Variants in ADGRB2 observed in about 807,000 individuals in gnomAD.
The protein encoded by ADGRB2 is adhesion G protein-coupled receptor B2.
In ADGRB2, 47 loss-of-function variants were observed where a neutral mutation model predicts 178.7. The ratio of observed to expected loss-of-function variants is 0.26; its 90% CI spans 0.21 to 0.34. The LOEUF is 0.34. ADGRB2 is among the 10% of genes least tolerant of loss of function. The pLI, the probability that ADGRB2 is intolerant of heterozygous loss-of-function variation, is 1.00. For synonymous variants in ADGRB2, 870 were observed against 912.4 expected, an observed-to-expected ratio of 0.95 and a Z score of 0.84; for missense variants, 1,584 against 2,180.8, an observed-to-expected ratio of 0.73 and a Z score of 5.45.
At position 31,733,348 on chromosome 1, in the gene ADGRB2, C is replaced by T. The variant is rs1267712799; in HGVS notation, c.3453-205G>A. ...AACAGAGACCGAAAGCAGCGAACTA[C>T]GGGGTCAGAGCAGGGACCAGGAAGG... On this transcript the variant is annotated intron_variant, in intron 25 of 32. Coordinates refer to ENST00000373658, the MANE Select transcript of ADGRB2 (RefSeq NM_001364857.2). The surrounding 1 kb of genome is among the most constrained non-coding windows in gnomAD (Gnocchi z 4.3). Among the ~76,000 whole-genome samples, 9 of 152,232 alleles carry T rather than the reference C, an allele frequency of 5.9e-5. No individual in the cohort carries two copies. The East Asian group carries it at 9.7e-4, about 16-fold the overall frequency.
At position 31,754,984 on chromosome 1, in the gene ADGRB2, C is replaced by A. The variant is rs907642678; in HGVS notation, c.838+1015G>T. Among the ~76,000 whole-genome samples the A allele has an allele frequency of 6.6e-6, 1 of 152,222 alleles. No homozygotes were observed. The highest frequency in any genetic ancestry group is 2.4e-5 in the African/African-American group (1 of 41,454). On this transcript the variant is annotated intron_variant, in intron 4 of 32. Transcript: ENST00000373658. The surrounding 1 kb of genome is among the most constrained non-coding windows in gnomAD (Gnocchi z 5.7). ...AGTGAAATCCAGATGCCCTTTCCATCCTCTATCCCTGCATCCTTGATCCTC... is the reference window on the plus strand; with the variant it reads ...AGTGAAATCCAGATGCCCTTTCCATACTCTATCCCTGCATCCTTGATCCTC...
chr1:31,728,409 TTC>T lies in ADGRB2; in HGVS notation c.4417-131_4417-130del. On this transcript the variant is annotated intron_variant, in intron 30 of 32. Coordinates refer to ENST00000373658, the MANE Select transcript of ADGRB2 (RefSeq NM_001364857.2). This position sits in a 1 kb window ranked among gnomAD's most constrained non-coding sequence, Gnocchi z 6.7. ...CCAGCCCCTCTGGGACAAGACCTAG[TTC>T]TCTCTTCACGTTGGTGCTATGGGCT... 2 of 1,271,514 alleles carry T rather than the reference TTC, an allele frequency of 1.6e-6. No individual in the cohort carries two copies. Among genetic ancestry groups the T allele is most frequent in the Non-Finnish European group, 2.3e-6 (2 of 888,014 alleles). The allele number at this position is 1,271,514 out of a possible 1,614,324, so 78.8% of individuals were successfully genotyped here.
In ADGRB2 at chr1:31,737,425, C is replaced by G. The variant is rs773289419; in HGVS notation, c.2979+4G>C. 6 of 1,613,378 alleles carry G rather than the reference C, an allele frequency of 3.7e-6. No individual in the cohort carries two copies. The Admixed American group carries it at 6.7e-5, about 18-fold the overall frequency. On this transcript the variant is annotated splice_donor_region_variant and intron_variant, in intron 20 of 32. Coordinates refer to ENST00000373658, the MANE Select transcript of ADGRB2 (RefSeq NM_001364857.2). ...CCCTGGCAGCCCTGGAAGTCTGCAC[C>G]TGCCTTGCTCAGCACCCGGGACTGG...
intron 15 of ADGRB2, 81 bp from the exon 16 acceptor site, chr1:31,739,018 G>T: frequency 7.9e-7 from 1 of 1,272,732 alleles, no homozygotes; most frequent in Non-Finnish European, 1.1e-6. Context: ...TTGGATGGGT[G>T]TGCAGAGGCT....
chr1:31,743,365 C>G (rs1275013978), intron 6 of ADGRB2: 5 of 212,368 alleles, frequency 2.4e-5, no homozygotes, highest in Non-Finnish European at 3.7e-5. Flanking sequence ...CCACCCACCC[C>G]TAGACCCAGA....
chr1:31,750,996 A>G (rs971982506), intron 4 of ADGRB2, among the ~76,000 whole-genome samples: 3 of 151,786 alleles, frequency 2.0e-5, no homozygotes, highest in African/African-American at 7.3e-5. Flanking sequence ...GAGAGCAGGG[A>G]TCGTGTCTGA....
intron 6 of ADGRB2, chr1:31,743,334 G>A (rs377492381): frequency 2.6e-4 from 70 of 265,546 alleles, no homozygotes; most frequent in African/African-American, 1.5e-3. Flanking sequence ...CAGGACCCAC[G>A]CCATTCCACC....
intron 4 of ADGRB2, among the ~76,000 whole-genome samples, chr1:31,746,547 G>A (rs1236769879): frequency 2.0e-5 from 3 of 152,124 alleles, no homozygotes; most frequent in African/African-American, 4.8e-5. Context: ...CTCCACATCC[G>A]CTGGGCGCCC....
intron 15 of ADGRB2, 65 bp downstream of exon 15, chr1:31,739,243 C>T (rs1476239323): frequency 9.9e-6 from 14 of 1,410,024 alleles, no homozygotes; most frequent in Non-Finnish European, 1.3e-5. Context: ...TGGCTCAGTC[C>T]TCCTTCCCTT....
rs995898725 is a variant in ADGRB2, at chr1:31,761,788, A to G, written c.-191+2096T>C. Among the ~76,000 whole-genome samples the G allele has an allele frequency of 1.3e-5, 2 of 152,066 alleles. No homozygotes were observed. The highest frequency in any genetic ancestry group is 4.8e-5 in the African/African-American group (2 of 41,360). On this transcript the variant is annotated intron_variant, in intron 1 of 32. Coordinates refer to ENST00000373658, the MANE Select transcript of ADGRB2 (RefSeq NM_001364857.2). This position sits in a 1 kb window ranked among gnomAD's most constrained non-coding sequence, Gnocchi z 4.2. ...TTCATTTTTCTCCTTTGGGATTAGG[A>G]GTGGAGTGGAGAGGGGCCTGACCTT...
Position 31,755,968 on chromosome 1 carries a change from C to G in ADGRB2, c.838+31G>C. 1.3e-6 allele frequency: 2 copies of G among 1,573,914 alleles called. No individual in the cohort carries two copies. Among genetic ancestry groups the G allele is most frequent in the Non-Finnish European group, 1.7e-6 (2 of 1,156,186 alleles). On this transcript the variant is annotated intron_variant, in intron 4 of 32. Coordinates refer to ENST00000373658, the MANE Select transcript of ADGRB2 (RefSeq NM_001364857.2). The surrounding 1 kb of genome is among the most constrained non-coding windows in gnomAD (Gnocchi z 5.1). ...AGGGACACTGTCAGCCCCTGCAGAC[C>G]CCGCCCCACCCAGGCCCTGCTGAGA...
intron 4 of ADGRB2, among the ~76,000 whole-genome samples, chr1:31,745,136 C>G (rs763501199): frequency 6.6e-6 from 1 of 152,230 alleles, no homozygotes; most frequent in African/African-American, 2.4e-5. Flanking sequence ...GAGGGCTAGA[C>G]AGGGGAAGTG....
intron 4 of ADGRB2, among the ~76,000 whole-genome samples, chr1:31,746,868 G>A (rs1478095288): frequency 6.6e-6 from 1 of 152,154 alleles, no homozygotes; most frequent in African/African-American, 2.4e-5. Flanking sequence ...CCCAGGAACA[G>A]ATCCAGGCCT....
Position 31,737,674 on chromosome 1 carries a change from C to T in ADGRB2, c.2854G>A (p.Ala952Thr), listed in dbSNP as rs777096177. The T allele has an allele frequency of 9.3e-6, 15 of 1,613,632 alleles. No individual in the cohort carries two copies. The highest frequency in any genetic ancestry group is 2.2e-5 in the East Asian group (1 of 44,882). ...VSCMALLTLLAIYAAFWRFIK... is the reference protein window; with the variant it reads ...VSCMALLTLLTIYAAFWRFIK... ...TACCTCCAAAAGGCGGCATAGATGG[C>T]GAGCAGGGTGAGCAGCGCCATGCAC... is the stretch of plus-strand genomic sequence containing the variant. The change falls in exon 19 of 33, where the codon GCC (alanine) becomes ACC (threonine). Residue 952 changes from alanine to threonine, a missense_variant. Ala to Thr is a moderately conservative substitution (Grantham distance 58). Around this residue, in one of 3 missense-constraint regions of ADGRB2, gnomAD observed 865 missense variants for 1,192.8 expected, o/e 0.73. Coordinates refer to ENST00000373658, the MANE Select transcript of ADGRB2 (RefSeq NM_001364857.2).
chr1:31,738,661 G>T, intron 16 of ADGRB2, 31 bp from the exon 17 acceptor site: 1 of 1,612,164 alleles, frequency 6.2e-7, no homozygotes, highest in Non-Finnish European at 8.5e-7. Flanking sequence ...GTGCAGTCTA[G>T]GGAGGGAAGC....
rs1363996221 is a variant in ADGRB2, at chr1:31,735,855, A to G, written c.3239T>C (p.Phe1080Ser). The G allele has an allele frequency of 2.5e-6, 4 of 1,608,538 alleles. No homozygotes were observed. Among genetic ancestry groups the G allele is most frequent in the Non-Finnish European group, 3.4e-6 (4 of 1,177,380 alleles). ...LSLEGGLLYA[F>S]VGPAAVIVLV... ...GACAATGACGGCTGCAGGGCCCACAAAGGCGTAGAGCAGGCCGCCCTCCAG... is the reference window on the plus strand; with the variant it reads ...GACAATGACGGCTGCAGGGCCCACAGAGGCGTAGAGCAGGCCGCCCTCCAG... The change falls in exon 23 of 33, where the codon TTT becomes TCT. Residue 1080 changes from phenylalanine to serine, a missense_variant. Around this residue, in one of 3 missense-constraint regions of ADGRB2, gnomAD observed 865 missense variants for 1,192.8 expected, o/e 0.73. Transcript: ENST00000373658. This position sits in a 1 kb window ranked among gnomAD's most constrained non-coding sequence, Gnocchi z 6.0.
At chr1:31,736,199 A>G (rs947935668) in intron 22 of ADGRB2, 122 bp downstream of exon 22, 1 of 1,202,578 alleles carries the variant, frequency 8.3e-7, no homozygotes, top group African/African-American at 1.5e-5. Context: ...GAAGCTCAGA[A>G]ATGGGGAGGA....
intron 3 of ADGRB2, 25 bp downstream of exon 3, chr1:31,757,176 C>T: frequency 6.2e-7 from 1 of 1,614,162 alleles, no homozygotes; most frequent in South Asian, 1.1e-5. Flanking sequence ...ATTCGCCTTG[C>T]ATTCAGATCC....
intron 15 of ADGRB2, 97 bp from the exon 16 acceptor site, chr1:31,739,034 G>T: frequency 8.8e-7 from 1 of 1,142,064 alleles, no homozygotes; most frequent in Non-Finnish European, 1.3e-6. Context: ...AGGCTTCCAA[G>T]GAGCCAAGGC....
Sources: gnomAD v4.1 joint callset for allele counts (sites outside exome capture counted in the v4.1 genomes callset) on GRCh38, gnomAD v4.1.1 for gene constraint, gnomAD v4.1.1 regional missense constraint, Gnocchi (gnomAD v3.1) non-coding constraint, MANE v1.5 for transcripts, NCBI Gene and HGNC (gene_info 2026-07-23, HGNC 2026-07-21) for gene names.